MS4A2: variants seen among roughly 807,000 people sequenced by gnomAD.
MS4A2 encodes the protein high affinity immunoglobulin epsilon receptor subunit beta.
MS4A2 carries 26 observed loss-of-function variants against 27.9 expected under a neutral mutation model. The ratio of observed to expected loss-of-function variants is 0.93; its 90% CI spans 0.68 to 1.29. MS4A2 has a LOEUF of 1.29. MS4A2 is among the 50% of genes most tolerant of loss of function. MS4A2 has a pLI of 0.00. For synonymous variants in MS4A2, 110 were observed against 98.8 expected (o/e 1.11, Z -0.67); for missense variants, 284 against 284.6 (o/e 1.00, Z 0.01).
At position 60,088,832 on chromosome 11, in the gene MS4A2, G is replaced by A. The variant is rs1304909455; in HGVS notation, c.56+11G>A. 1.2e-6 allele frequency: 2 copies of A among 1,606,616 alleles called. No individual in the cohort carries two copies. Among genetic ancestry groups the A allele is most frequent in the South Asian group, 1.1e-5 (1 of 89,930 alleles). On this transcript the variant is annotated intron_variant, in intron 1 of 6. Coordinates refer to ENST00000278888, the MANE Select transcript of MS4A2 (RefSeq NM_000139.5). ...ACAGGAGCCTTCCAGGTAGGTACAAGGTATTATTTTTTTCTACCCTCAGTC... is the reference window on the plus strand; with the variant it reads ...ACAGGAGCCTTCCAGGTAGGTACAAAGTATTATTTTTTTCTACCCTCAGTC...
chr11:60,095,424 G>T (rs1490185270), intron 6 of MS4A2, 134 bp from the exon 7 acceptor site: 1 of 690,508 alleles, frequency 1.4e-6, no homozygotes, highest in African/African-American at 1.8e-5. Flanking sequence ...GGAAATGAAA[G>T]AAATAATCAG....
rs767037605 is a variant in MS4A2, at chr11:60,088,750, C to T, written c.-16C>T. The stretch of plus-strand genomic sequence containing the variant: ...AATAATATTCTTTATTCCTGGACAG[C>T]TCGGTTAATGAAAAAATGGACACAG... On this transcript the variant is annotated 5_prime_UTR_variant, in exon 1 of 7. Coordinates refer to ENST00000278888, the MANE Select transcript of MS4A2 (RefSeq NM_000139.5). 2.3e-5 allele frequency: 37 copies of T among 1,609,036 alleles called. No homozygotes were observed. The highest frequency in any genetic ancestry group is 3.1e-5 in the Non-Finnish European group (37 of 1,176,890).
chr11:60,092,428 TGGG>T (rs1314466007), intron 3 of MS4A2, among the ~76,000 whole-genome samples: 1 of 151,946 alleles, frequency 6.6e-6, no homozygotes, highest in Non-Finnish European at 1.5e-5. Context: ...CCCTAGTAGC[TGGG>T]ACTACAGGTG....
At chr11:60,091,218 G>C (rs1855753489) in intron 3 of MS4A2, among the ~76,000 whole-genome samples, 1 of 151,944 alleles carries the variant, frequency 6.6e-6, no homozygotes. Context: ...AGATTGCTGG[G>C]GTGAGAAACA....
rs572995481 is a variant in MS4A2, at chr11:60,090,232, A to G, written c.187-104A>G. 6 of 1,155,018 alleles carry G rather than the reference A, an allele frequency of 5.2e-6. No homozygotes were observed. The South Asian group carries it at 7.4e-5, about 14-fold the overall frequency. 71.5% of individuals were successfully genotyped at this position (1,155,018 alleles called of 1,614,324 possible). On this transcript the variant is annotated intron_variant, in intron 2 of 6. Coordinates refer to ENST00000278888, the MANE Select transcript of MS4A2 (RefSeq NM_000139.5). ...TGTGGATCATTTCTCAGGACAGTCTAGGACACTAACGCAGTTTCTCATGTT... is the reference window on the plus strand; with the variant it reads ...TGTGGATCATTTCTCAGGACAGTCTGGGACACTAACGCAGTTTCTCATGTT...
chr11:60,093,700 C>T, intron 5 of MS4A2, 142 bp downstream of exon 5: 1 of 1,224,704 alleles, frequency 8.2e-7, no homozygotes, highest in Non-Finnish European at 1.2e-6. Flanking sequence ...TCACACAGCC[C>T]AGGGAGATGC....
chr11:60,088,996 C>A (rs1449741076), intron 1 of MS4A2, among the ~76,000 whole-genome samples, 175 bp downstream of exon 1: 1 of 152,118 alleles, frequency 6.6e-6, no homozygotes, highest in East Asian at 1.9e-4. Flanking sequence ...TTCTCTCTCC[C>A]TGGAGAGGAA....
At position 60,088,778 on chromosome 11, in the gene MS4A2, A is replaced by C. The variant is rs371027336; in HGVS notation, c.13A>C (p.Ser5Arg). ...GGTTAATGAAAAAATGGACACAGAA[A>C]GTAATAGGAGAGCAAATCTTGCTCT... is the stretch of plus-strand genomic sequence containing the variant. MDTE[S>R]NRRANLALPQ... The change falls in exon 1 of 7, where the codon AGT becomes CGT. Residue 5 changes from serine (S) to arginine (R), a missense_variant. Coordinates refer to ENST00000278888, the MANE Select transcript of MS4A2 (RefSeq NM_000139.5). 8 of 1,612,104 alleles carry C rather than the reference A, an allele frequency of 5.0e-6. No individual in the cohort carries two copies. Among genetic ancestry groups the C allele is most frequent in the Non-Finnish European group, 6.8e-6 (8 of 1,178,938 alleles).
chr11:60,092,972 T>C, intron 4 of MS4A2, 124 bp downstream of exon 4: 1 of 985,134 alleles, frequency 1.0e-6, no homozygotes, highest in South Asian at 1.4e-5. Flanking sequence ...TATGATTTTG[T>C]TTCAATCTAT....
chr11:60,091,596 A>G lies in MS4A2; in HGVS notation c.321+1126A>G, dbSNP rs141075519. On this transcript the variant is annotated intron_variant, in intron 3 of 6. Coordinates refer to ENST00000278888, the MANE Select transcript of MS4A2 (RefSeq NM_000139.5). ...TTTCTGTGAATATAAATTAACTTAC[A>G]TTTTTTAGAGCTTTATATAAGTATG... Among the ~76,000 whole-genome samples, 900 of 152,218 alleles carry G rather than the reference A, an allele frequency of 5.9e-3. 15 individuals carry two copies. Among genetic ancestry groups the G allele is most frequent in the African/African-American group, 0.02 (845 of 41,530 alleles).
chr11:60,093,368 GC>G, intron 4 of MS4A2, 31 bp from the exon 5 acceptor site: 1 of 1,613,994 alleles, frequency 6.2e-7, no homozygotes, highest in Non-Finnish European at 8.5e-7. Flanking sequence ...GCAAGTGCAG[GC>G]CCAGGTCTGA....
intron 6 of MS4A2, among the ~76,000 whole-genome samples, chr11:60,095,028 A>T (rs1002100885): frequency 1.3e-5 from 2 of 151,952 alleles, no homozygotes; most frequent in Non-Finnish European, 2.9e-5. Context: ...TTGGGAGGCC[A>T]AAGCTGAAGA....
Position 60,091,473 on chromosome 11 carries a change from G to A in MS4A2, c.321+1003G>A, listed in dbSNP as rs189666467. Among the ~76,000 whole-genome samples the A allele has an allele frequency of 4.6e-5, 7 of 152,270 alleles. No homozygotes were observed. The East Asian group carries it at 1.3e-3, about 29-fold the overall frequency. Reference sequence around the variant, plus strand: ...ACATCACCACATTAATACAATGTATGTATCCATCATTTCCAAAAGCTTCCC... The same window carrying A: ...ACATCACCACATTAATACAATGTATATATCCATCATTTCCAAAAGCTTCCC... On this transcript the variant is annotated intron_variant, in intron 3 of 6. Coordinates refer to ENST00000278888, the MANE Select transcript of MS4A2 (RefSeq NM_000139.5).
rs5792168 is a variant in MS4A2 at position 60,096,024 on chromosome 11, G to GT, written c.*383dup. The GT allele has an allele frequency of 0.031, 6,683 of 217,936 alleles. 9 individuals are homozygous for GT. The highest frequency in any genetic ancestry group is 0.043 in the East Asian group (356 of 8,256). 13.5% of individuals were successfully genotyped at this position (217,936 alleles called of 1,614,324 possible). On this transcript the variant is annotated 3_prime_UTR_variant, in exon 7 of 7. Coordinates refer to ENST00000278888, the MANE Select transcript of MS4A2 (RefSeq NM_000139.5). ...AGTTTGATAATATTTGGTTCTTAGG[G>GT]TTTTTTTTTTTTTTTAGCATTCTTA...
At chr11:60,089,857 G>A (rs751815003) in intron 2 of MS4A2, 36 bp downstream of exon 2, 3 of 1,612,468 alleles carry the variant, frequency 1.9e-6, no homozygotes, top group African/African-American at 1.3e-5. Flanking sequence ...CTAGAGTAAG[G>A]GTTGGGTCTA....
chr11:60,093,775 G>A (rs974038939), intron 5 of MS4A2, 189 bp from the exon 6 acceptor site: 5 of 792,956 alleles, frequency 6.3e-6, no homozygotes, highest in Admixed American at 2.1e-5. Context: ...TGCAAGTGAC[G>A]ATCTCTGGGT....
chr11:60,092,721 A>G, intron 3 of MS4A2, 71 bp from the exon 4 acceptor site: 1 of 1,378,710 alleles, frequency 7.3e-7, no homozygotes, highest in South Asian at 1.2e-5. Context: ...TATGTTTGGA[A>G]GATGGGGTTA....
chr11:60,093,394 T>C lies in MS4A2; in HGVS notation c.379-6T>C, dbSNP rs773206708. The stretch of plus-strand genomic sequence containing the variant: ...CCCAGGTCTGAGTGTTCTTCATTAT[T>C]ATCAGGTGAGAGGAAGCCTGGGAGC... On this transcript the variant is annotated splice_polypyrimidine_tract_variant and splice_region_variant and intron_variant, in intron 4 of 6. Coordinates refer to ENST00000278888, the MANE Select transcript of MS4A2 (RefSeq NM_000139.5). 6 of 1,614,058 alleles carry C rather than the reference T, an allele frequency of 3.7e-6. No individual in the cohort carries two copies. The Middle Eastern group carries it at 4.9e-4, about 133-fold the overall frequency.
chr11:60,090,451 C>T lies in MS4A2; in HGVS notation c.302C>T (p.Pro101Leu). 6.2e-7 allele frequency: 1 copy of T among 1,613,044 alleles called. No homozygotes were observed. Among genetic ancestry groups the T allele is most frequent in the Non-Finnish European group, 8.5e-7 (1 of 1,179,806 alleles). ...TTTTCATCATTTAAAGCAGGTTATCCATTCTGGGGAGCCATATTTGTGAGT... is the reference window on the plus strand; with the variant it reads ...TTTTCATCATTTAAAGCAGGTTATCTATTCTGGGGAGCCATATTTGTGAGT... ...DIFSSFKAGY[P>L]FWGAIFFSIS... Residue 101 changes from proline (P) to leucine (L), a missense_variant, in exon 3 of 7, where the codon CCA becomes CTA. Coordinates refer to ENST00000278888, the MANE Select transcript of MS4A2 (RefSeq NM_000139.5).
Sources: gnomAD v4.1 joint callset for allele counts (sites outside exome capture counted in the v4.1 genomes callset) on GRCh38, gnomAD v4.1.1 for gene constraint, MANE v1.5 for transcripts, NCBI Gene and HGNC (gene_info 2026-07-23, HGNC 2026-07-21) for gene names.